ZFP1: variants seen among roughly 807,000 people sequenced by gnomAD.
ZFP1 encodes ZFP1 zinc finger protein.
ZFP1 carries 32 observed loss-of-function variants against 38.5 expected under a neutral mutation model. The observed-to-expected ratio is 0.83, with a 90% CI of 0.63 to 1.12. ZFP1 has a LOEUF of 1.12. Ranked by LOEUF, ZFP1 falls within the 50% of genes most tolerant of loss-of-function variation. The pLI is 0.00. For synonymous variants in ZFP1, 245 were observed against 168.8 expected, an observed-to-expected ratio of 1.45 and a Z score of -3.50; for missense variants, 616 against 480.8, an observed-to-expected ratio of 1.28 and a Z score of -2.63.
At chr16:75,168,400 G>A (rs2038218833) in intron 3 of ZFP1, among the ~76,000 whole-genome samples, 1 of 151,830 alleles carries the variant, frequency 6.6e-6, no homozygotes, top group Admixed American at 6.6e-5. Flanking sequence ...TATCCCTTGA[G>A]CCCAGGAGGT....
the ZFP1 span, among the ~76,000 whole-genome samples, chr16:75,119,906 G>GAA: frequency 1.6e-4 from 23 of 147,232 alleles, 2 homozygotes; most frequent in South Asian, 1.1e-3. Context: ...CCAGCAAAAG[G>GAA]AAAAAAAAAA....
the ZFP1 span, among the ~76,000 whole-genome samples, chr16:75,138,129 C>T: frequency 2.2e-5 from 3 of 136,362 alleles, no homozygotes; most frequent in African/African-American, 2.7e-5. Flanking sequence ...CTCCACCTCC[C>T]GGGTTCAAGT....
the ZFP1 span, chr16:75,127,754 A>G: frequency 6.6e-6 from 1 of 152,222 alleles, no homozygotes; most frequent in Non-Finnish European, 1.5e-5. Flanking sequence ...AACTGCATGG[A>G]CTAAACTAAT....
intron 2 of ZFP1, among the ~76,000 whole-genome samples, chr16:75,154,725 A>G (rs1211249355): frequency 2.0e-5 from 3 of 152,292 alleles, no homozygotes; most frequent in South Asian, 2.1e-4. Flanking sequence ...GAGAGTTTCT[A>G]CGGCCCTGCA....
intron 3 of ZFP1, 65 bp from the exon 4 acceptor site, chr16:75,169,188 C>G: frequency 2.0e-6 from 3 of 1,514,318 alleles, no homozygotes; most frequent in Non-Finnish European, 2.6e-6. Flanking sequence ...GTGAAGACTT[C>G]CCATTCGGTA....
At chr16:75,124,745 C>A in the ZFP1 span, among the ~76,000 whole-genome samples, 2 of 144,622 alleles carry the variant, frequency 1.4e-5, no homozygotes, top group Non-Finnish European at 1.5e-5. Context: ...TGAGATGGTG[C>A]CACTGCACTC....
chr16:75,147,524 C>A (rs2036968069), upstream of ZFP1, among the ~76,000 whole-genome samples: 1 of 151,232 alleles, frequency 6.6e-6, no homozygotes, highest in South Asian at 2.1e-4. Context: ...TCGGCTCAAG[C>A]AATCTGCTTG....
intron 1 of ZFP1, among the ~76,000 whole-genome samples, chr16:75,149,763 C>T (rs575962099): frequency 6.6e-6 from 1 of 151,896 alleles, no homozygotes; most frequent in South Asian, 2.1e-4. Context: ...CTAAATACTA[C>T]TTTAACTACA....
At chr16:75,157,457 T>C (rs1219069727) in intron 2 of ZFP1, among the ~76,000 whole-genome samples, 1 of 152,032 alleles carries the variant, frequency 6.6e-6, no homozygotes, top group Non-Finnish European at 1.5e-5. Context: ...TTGGCCAGGC[T>C]GGTCTTGAAC....
At chr16:75,131,866 G>A in the ZFP1 span, among the ~76,000 whole-genome samples, 1 of 152,038 alleles carries the variant, frequency 6.6e-6, no homozygotes, top group Non-Finnish European at 1.5e-5. Flanking sequence ...TTGGGAGGCT[G>A]AGGTGGGAGG....
At chr16:75,166,986 A>G (rs1321121316) in intron 3 of ZFP1, 90 bp downstream of exon 3, 1 of 1,528,042 alleles carries the variant, frequency 6.5e-7, no homozygotes, top group African/African-American at 1.4e-5. Flanking sequence ...TGAATTACTA[A>G]ATGTTTTTGG....
chr16:75,135,448 T>C, the ZFP1 span, among the ~76,000 whole-genome samples: 1 of 152,128 alleles, frequency 6.6e-6, no homozygotes, highest in Non-Finnish European at 1.5e-5. Flanking sequence ...CTGGAAAAGA[T>C]AAAACCATAG....
At chr16:75,154,223 C>CA (rs35006692) in intron 2 of ZFP1, among the ~76,000 whole-genome samples, 26 of 148,434 alleles carry the variant, frequency 1.8e-4, no homozygotes, top group East Asian at 5.9e-4. Context: ...GACTTTGTCT[C>CA]AAAAAAAAAA....
intron 3 of ZFP1, among the ~76,000 whole-genome samples, chr16:75,167,169 CAT>C (rs1476638668): frequency 6.6e-6 from 1 of 152,212 alleles, no homozygotes; most frequent in Admixed American, 6.5e-5. Flanking sequence ...TTTTGGGTAG[CAT>C]AGAGTTGTCA....
the ZFP1 span, among the ~76,000 whole-genome samples, chr16:75,137,750 G>C: frequency 6.6e-6 from 1 of 152,036 alleles, no homozygotes; most frequent in Non-Finnish European, 1.5e-5. Flanking sequence ...ACAGGCATGA[G>C]CCAACACGCC....
At chr16:75,130,576 T>C in the ZFP1 span, among the ~76,000 whole-genome samples, 100 of 152,306 alleles carry the variant, frequency 6.6e-4, no homozygotes, top group Middle Eastern at 3.4e-3. Flanking sequence ...TGAGATCTTA[T>C]TGGGAAGCTG....
chr16:75,119,032 T>C, the ZFP1 span, among the ~76,000 whole-genome samples: 1 of 152,214 alleles, frequency 6.6e-6, no homozygotes, highest in African/African-American at 2.4e-5. Flanking sequence ...ATCTTACGTA[T>C]GTTGAGTGAC....
chr16:75,120,816 C>CG, the ZFP1 span, among the ~76,000 whole-genome samples: 4 of 151,636 alleles, frequency 2.6e-5, no homozygotes, highest in South Asian at 2.1e-4. Context: ...TTAGTAGAGA[C>CG]GGGTTTCACC....
chr16:75,168,625 T>C (rs994033230), intron 3 of ZFP1, among the ~76,000 whole-genome samples: 1 of 152,202 alleles, frequency 6.6e-6, no homozygotes, highest in African/African-American at 2.4e-5. Context: ...AATGAGTTTC[T>C]GGATTTTACC....
Sources: allele counts gnomAD v4.1 joint callset (sites outside exome capture counted in the v4.1 genomes callset), GRCh38; gene constraint gnomAD v4.1.1; transcripts MANE v1.5; gene names NCBI Gene and HGNC (gene_info 2026-07-23, HGNC 2026-07-21).